The following CSMD1 variants were observed in gnomAD, a reference collection of about 807,000 sequenced individuals.
CSMD1 encodes CUB and Sushi multiple domains 1.
In CSMD1, 213 loss-of-function variants were observed where a neutral mutation model predicts 417.5. That is an observed-to-expected ratio of 0.51 (90% CI 0.46 to 0.57). The LOEUF is 0.57. CSMD1 is among the 20% of genes least tolerant of loss of function. The pLI, the probability that CSMD1 is intolerant of heterozygous loss-of-function variation, is 0.00. For synonymous variants in CSMD1, 2,862 were observed against 1,736.8 expected, an observed-to-expected ratio of 1.65 and a Z score of -16.11; for missense variants, 6,923 against 4,529.7, an observed-to-expected ratio of 1.53 and a Z score of -15.17.
At chr8:4,849,651 T>G (rs1451414997) in intron 1 of CSMD1, among the ~76,000 whole-genome samples, 1 of 152,182 alleles carries the variant, frequency 6.6e-6, no homozygotes, top group Non-Finnish European at 1.5e-5. Context: ...TACTTGATAT[T>G]GTATTATAGT....
At chr8:3,811,772 G>A (rs979871156) in intron 5 of CSMD1, among the ~76,000 whole-genome samples, 3 of 152,116 alleles carry the variant, frequency 2.0e-5, no homozygotes, top group Non-Finnish European at 2.9e-5. Context: ...ATAGCTGAGT[G>A]AGAGATGAGG....
At chr8:4,048,194 T>C (rs992853395) in intron 3 of CSMD1, among the ~76,000 whole-genome samples, 1 of 152,218 alleles carries the variant, frequency 6.6e-6, no homozygotes, top group Admixed American at 6.5e-5. Flanking sequence ...GCTGTATGGA[T>C]GTTTTCATAT....
chr8:3,817,058 G>A (rs1332350256), intron 5 of CSMD1, among the ~76,000 whole-genome samples: 5 of 151,966 alleles, frequency 3.3e-5, no homozygotes, highest in South Asian at 2.1e-4. Flanking sequence ...AAGAAACAGG[G>A]TGAAGGAAGA....
chr8:4,377,408 C>T (rs776363271), intron 3 of CSMD1, among the ~76,000 whole-genome samples: 8 of 152,122 alleles, frequency 5.3e-5, no homozygotes, highest in African/African-American at 1.7e-4. Context: ...CTACTTAAAT[C>T]TATTCAGTTT....
At chr8:3,509,916 A>G (rs1011387071) in intron 10 of CSMD1, among the ~76,000 whole-genome samples, 2 of 152,128 alleles carry the variant, frequency 1.3e-5, no homozygotes, top group Non-Finnish European at 2.9e-5. Flanking sequence ...GATGAGGGCA[A>G]CGCTTAAGTT....
intron 1 of CSMD1, among the ~76,000 whole-genome samples, chr8:4,731,244 T>C (rs1244121265): frequency 1.3e-5 from 2 of 152,310 alleles, no homozygotes; most frequent in South Asian, 2.1e-4. Context: ...CCACACAAGA[T>C]GCCCACCTCA....
At chr8:3,272,463 G>T (rs79307957) in intron 26 of CSMD1, among the ~76,000 whole-genome samples, 45,056 of 140,010 alleles carry the variant, frequency 0.32, 7,850 homozygotes, top group African/African-American at 0.36. Flanking sequence ...TCCAATTCTG[G>T]GAAGAAAGTC....
intron 21 of CSMD1, among the ~76,000 whole-genome samples, chr8:3,355,666 G>A (rs1808732717): frequency 6.6e-6 from 1 of 152,152 alleles, no homozygotes; most frequent in South Asian, 2.1e-4. Flanking sequence ...GCTTTACCCA[G>A]ACTGGCAAAA....
chr8:4,316,065 G>C (rs564817100), intron 3 of CSMD1, among the ~76,000 whole-genome samples: 37 of 151,902 alleles, frequency 2.4e-4, no homozygotes, highest in Admixed American at 2.4e-3. Context: ...ATGAATCCTT[G>C]AGTAGAAAAT....
chr8:4,150,164 A>C (rs1796493473), intron 3 of CSMD1, among the ~76,000 whole-genome samples: 2 of 152,170 alleles, frequency 1.3e-5, no homozygotes, highest in Admixed American at 6.5e-5. Flanking sequence ...GGATAGACAA[A>C]ATCCAGGTAT....
intron 2 of CSMD1, among the ~76,000 whole-genome samples, chr8:4,448,048 G>T (rs1220767542): frequency 6.6e-6 from 1 of 152,142 alleles, no homozygotes; most frequent in Non-Finnish European, 1.5e-5. Flanking sequence ...GAGGTTTCCT[G>T]GAATATCACC....
At chr8:3,389,108 G>C (rs1811193287) in intron 17 of CSMD1, among the ~76,000 whole-genome samples, 1 of 152,112 alleles carries the variant, frequency 6.6e-6, no homozygotes, top group African/African-American at 2.4e-5. Context: ...ATTTTTTGTT[G>C]TTGTTGTTTG....
At chr8:4,350,859 C>T (rs1801051272) in intron 3 of CSMD1, among the ~76,000 whole-genome samples, 1 of 152,140 alleles carries the variant, frequency 6.6e-6, no homozygotes, top group Non-Finnish European at 1.5e-5. Flanking sequence ...CTGCCAGTGG[C>T]TCTAGTTCCG....
intron 1 of CSMD1, among the ~76,000 whole-genome samples, chr8:4,850,259 T>A (rs189569882): frequency 1.3e-4 from 20 of 152,302 alleles, no homozygotes; most frequent in Admixed American, 5.2e-4. Context: ...ATGTTCTAGA[T>A]GCAAATCCTT....
intron 38 of CSMD1, among the ~76,000 whole-genome samples, chr8:3,160,388 G>T (rs1454951374): frequency 1.3e-5 from 2 of 152,182 alleles, no homozygotes; most frequent in African/African-American, 4.8e-5. Context: ...ATCCCAAAGT[G>T]CTGGGATTAC....
At chr8:3,366,293 C>T (rs550818946) in intron 20 of CSMD1, among the ~76,000 whole-genome samples, 1 of 152,216 alleles carries the variant, frequency 6.6e-6, no homozygotes, top group East Asian at 1.9e-4. Context: ...CTCAGTGTGA[C>T]CTGTTCACTG....
intron 1 of CSMD1, among the ~76,000 whole-genome samples, chr8:4,942,121 C>G (rs1187173174): frequency 6.6e-6 from 1 of 152,144 alleles, no homozygotes; most frequent in Non-Finnish European, 1.5e-5. Flanking sequence ...TAAATATTCT[C>G]TTCCAATCAA....
intron 1 of CSMD1, among the ~76,000 whole-genome samples, chr8:4,728,802 A>G (rs1809644581): frequency 6.6e-6 from 1 of 152,176 alleles, no homozygotes; most frequent in Non-Finnish European, 1.5e-5. Flanking sequence ...TAAAAAACTC[A>G]AACTCCTTTA....
At chr8:3,485,125 C>T (rs550178465) in intron 11 of CSMD1, among the ~76,000 whole-genome samples, 18 of 152,272 alleles carry the variant, frequency 1.2e-4, no homozygotes, top group African/African-American at 4.3e-4. Flanking sequence ...GTCATAGTAG[C>T]TTTCTTCATA....
Sources: gnomAD v4.1 joint callset for allele counts (sites outside exome capture counted in the v4.1 genomes callset) on GRCh38, gnomAD v4.1.1 for gene constraint, MANE v1.5 for transcripts, NCBI Gene and HGNC (gene_info 2026-07-23, HGNC 2026-07-21) for gene names.